Variants in CSMD3 observed in about 807,000 individuals in gnomAD.
CSMD3 encodes the protein CUB and Sushi multiple domains 3, also known as CUB and sushi domain-containing protein 3.
In CSMD3, 177 loss-of-function variants were observed where a neutral mutation model predicts 435.2. That is an observed-to-expected ratio of 0.41 (90% CI 0.36 to 0.46). The LOEUF is 0.46. Ranked by LOEUF, CSMD3 falls within the 20% of genes least tolerant of loss-of-function variation. The probability of loss-of-function intolerance (pLI) is 0.34; values close to 1 mark genes in which losing one functional copy is unlikely to be tolerated. For missense variants in CSMD3, 4,265 were observed against 4,504.6 expected, an observed-to-expected ratio of 0.95 and a Z score of 1.52; for synonymous variants, 1,656 against 1,520.5, an observed-to-expected ratio of 1.09 and a Z score of -2.07.
At chr8:113,396,751 TG>T (rs2094485357) in intron 1 of CSMD3, among the ~76,000 whole-genome samples, 3 of 152,170 alleles carry the variant, frequency 2.0e-5, no homozygotes, top group African/African-American at 7.2e-5. Context: ...CCTGTAACTG[TG>T]GTATAAATTG....
intron 13 of CSMD3, among the ~76,000 whole-genome samples, chr8:112,750,098 G>T (rs1244679686): frequency 6.6e-6 from 1 of 152,152 alleles, no homozygotes; most frequent in East Asian, 1.9e-4. Context: ...AGTCGATGTA[G>T]AGTGTGGTCC....
intron 32 of CSMD3, among the ~76,000 whole-genome samples, chr8:112,427,150 CACAGAGTGCT>C (rs1163550071): frequency 6.6e-6 from 1 of 152,150 alleles, no homozygotes; most frequent in African/African-American, 2.4e-5. Flanking sequence ...AAGGAGGCAA[CACAGAGTGCT>C]ACAAGTCAAA....
chr8:112,298,130 A>G (rs1820524529), intron 53 of CSMD3, among the ~76,000 whole-genome samples: 1 of 151,606 alleles, frequency 6.6e-6, no homozygotes, highest in Non-Finnish European at 1.5e-5. Context: ...TTCATGGATC[A>G]CAAGACTCAA....
At chr8:113,210,172 C>G (rs1017917698) in intron 3 of CSMD3, among the ~76,000 whole-genome samples, 12 of 152,128 alleles carry the variant, frequency 7.9e-5, no homozygotes, top group African/African-American at 2.9e-4. Context: ...TCAAAAAAAT[C>G]CTCTCTCTGA....
At chr8:112,647,747 C>T (rs1001301156) in intron 19 of CSMD3, among the ~76,000 whole-genome samples, 1 of 152,092 alleles carries the variant, frequency 6.6e-6, no homozygotes, top group Non-Finnish European at 1.5e-5. Context: ...TCATCATCAG[C>T]CTCATCATTT....
At position 113,173,835 on chromosome 8, in the gene CSMD3, T is replaced by C. The variant is rs2131891167; in HGVS notation, c.596A>G (p.Lys199Arg). ...TCCAGTTACACAGCTGTAGCGGATC[T>C]TGTCCCCGACGTCGAATCTTGTGCC... ...LYGTRFDVGD[K>R]IRYSCVTGYI... is the part of the protein sequence containing the mutation. Residue 199 changes from lysine to arginine, a missense_variant, in exon 4 of 71, where the codon AAG (lysine) becomes AGG (arginine). Physicochemically the swap from Lys to Arg is conservative, Grantham distance 26. This residue lies in a region of CSMD3 where 731 missense variants were observed against 755.4 expected (regional missense o/e 0.97). Transcript: ENST00000297405. 2 of 1,613,864 alleles carry C rather than the reference T, an allele frequency of 1.2e-6. No individual in the cohort carries two copies. The highest frequency in any genetic ancestry group is 1.7e-6 in the Non-Finnish European group (2 of 1,179,834).
intron 1 of CSMD3, among the ~76,000 whole-genome samples, chr8:113,329,586 G>C (rs1230169251): frequency 6.6e-6 from 1 of 151,902 alleles, no homozygotes; most frequent in African/African-American, 2.4e-5. Context: ...TATTTGGGTG[G>C]GAAAAAAGTC....
intron 13 of CSMD3, among the ~76,000 whole-genome samples, chr8:112,728,088 G>T (rs1457601322): frequency 6.6e-6 from 1 of 151,786 alleles, no homozygotes; most frequent in African/African-American, 2.4e-5. Context: ...TTAATTAGGG[G>T]TAGTCATGTG....
At chr8:112,974,666 A>G (rs1300886781) in intron 7 of CSMD3, among the ~76,000 whole-genome samples, 1 of 151,876 alleles carries the variant, frequency 6.6e-6, no homozygotes, top group Non-Finnish European at 1.5e-5. Context: ...GAAGACTATT[A>G]TAGGTTAAAA....
At chr8:112,713,400 A>G (rs576386349) in intron 13 of CSMD3, among the ~76,000 whole-genome samples, 23 of 151,386 alleles carry the variant, frequency 1.5e-4, no homozygotes, top group Admixed American at 6.6e-4. Context: ...AGGAACAAAC[A>G]AAACCTCCGA....
chr8:112,949,203 A>G (rs1294520638), intron 8 of CSMD3, among the ~76,000 whole-genome samples: 1 of 152,092 alleles, frequency 6.6e-6, no homozygotes, highest in Non-Finnish European at 1.5e-5. Context: ...ACGACTGCCC[A>G]ACAGTTATAG....
At chr8:112,965,741 A>G (rs1263883378) in intron 7 of CSMD3, among the ~76,000 whole-genome samples, 1 of 151,974 alleles carries the variant, frequency 6.6e-6, no homozygotes, top group African/African-American at 2.4e-5. Flanking sequence ...GTTAACAAGT[A>G]AATTCTAACA....
chr8:112,667,529 T>C (rs1162512859), intron 16 of CSMD3, among the ~76,000 whole-genome samples: 1 of 151,976 alleles, frequency 6.6e-6, no homozygotes, highest in Non-Finnish European at 1.5e-5. Context: ...ACGGATACAG[T>C]GATTTTTTTT....
intron 63 of CSMD3, among the ~76,000 whole-genome samples, chr8:112,250,032 T>C (rs1476236265): frequency 1.3e-5 from 2 of 152,094 alleles, no homozygotes; most frequent in Middle Eastern, 3.2e-3. Flanking sequence ...TACTTAACTT[T>C]AGAATATTTA....
intron 9 of CSMD3, among the ~76,000 whole-genome samples, chr8:112,933,897 C>T (rs1354178309): frequency 1.3e-5 from 2 of 151,944 alleles, no homozygotes; most frequent in African/African-American, 4.8e-5. Flanking sequence ...GGAGAGCAGG[C>T]CCCACAGGTT....
intron 5 of CSMD3, among the ~76,000 whole-genome samples, chr8:113,076,888 T>C (rs2089360998): frequency 3.9e-5 from 6 of 152,170 alleles, no homozygotes; most frequent in Admixed American, 3.9e-4. Flanking sequence ...TAATTCATCA[T>C]ATTATTTATC....
intron 1 of CSMD3, among the ~76,000 whole-genome samples, chr8:113,324,429 C>G (rs913796607): frequency 6.6e-6 from 1 of 152,096 alleles, no homozygotes. Flanking sequence ...AAGGGGACAA[C>G]GTAGACCTCG....
At chr8:112,854,781 A>T (rs1205308441) in intron 11 of CSMD3, among the ~76,000 whole-genome samples, 1 of 152,108 alleles carries the variant, frequency 6.6e-6, no homozygotes, top group Non-Finnish European at 1.5e-5. Context: ...CTGCCATTCC[A>T]TTTTTCCTTT....
intron 58 of CSMD3, among the ~76,000 whole-genome samples, chr8:112,282,236 G>A (rs937915842): frequency 1.3e-5 from 2 of 151,924 alleles, no homozygotes; most frequent in Non-Finnish European, 2.9e-5. Flanking sequence ...ACTGCCGTGT[G>A]TGTGTGTGTG....
Sources: allele counts gnomAD v4.1 joint callset (sites outside exome capture counted in the v4.1 genomes callset), GRCh38; gene constraint gnomAD v4.1.1; regional missense constraint gnomAD v4.1.1; transcripts MANE v1.5; gene names NCBI Gene and HGNC (gene_info 2026-07-23, HGNC 2026-07-21).